Variants in SORCS1 observed in about 807,000 individuals in gnomAD.
The protein encoded by SORCS1 is VPS10 domain-containing receptor SorCS1.
SORCS1 carries 60 observed loss-of-function variants against 146.1 expected under a neutral mutation model. The ratio of observed to expected loss-of-function variants is 0.41; its 90% CI spans 0.33 to 0.51. The LOEUF is 0.51. Among genes scored for constraint, SORCS1 ranks in the 20% least tolerant of loss-of-function variants. SORCS1 has a pLI of 0.21. For synonymous variants in SORCS1, 637 were observed against 584.0 expected (o/e 1.09, Z -1.31); for missense variants, 1,352 against 1,487.6 (o/e 0.91, Z 1.50).
intron 2 of SORCS1, among the ~76,000 whole-genome samples, chr10:106,852,487 G>T (rs1031731440): frequency 6.6e-6 from 1 of 151,920 alleles, no homozygotes; most frequent in East Asian, 1.9e-4. Context: ...AATTAGCTGG[G>T]CATGGTGTTG....
chr10:106,912,310 C>T (rs189202870), intron 2 of SORCS1, among the ~76,000 whole-genome samples: 1 of 124,210 alleles, frequency 8.1e-6, no homozygotes, highest in Admixed American at 9.0e-5. Context: ...TGAAACAAAA[C>T]AAAACGAAGC....
intron 4 of SORCS1, among the ~76,000 whole-genome samples, chr10:106,773,809 C>T (rs1382917485): frequency 2.6e-5 from 4 of 152,014 alleles, no homozygotes; most frequent in South Asian, 4.2e-4. Context: ...ATTAGCCAGG[C>T]GTGGTGGCAC....
intron 16 of SORCS1, 46 bp downstream of exon 16, chr10:106,671,191 G>C (rs575694006): frequency 1.2e-5 from 19 of 1,612,086 alleles, no homozygotes; most frequent in South Asian, 3.3e-5. Flanking sequence ...GGCCCATGTG[G>C]ATTTGATACA....
chr10:106,864,175 T>A (rs874888), intron 2 of SORCS1, among the ~76,000 whole-genome samples: 44,357 of 151,948 alleles, frequency 0.29, 7,675 homozygotes, highest in Non-Finnish European at 0.39. Context: ...AAGTAGTGAG[T>A]AAATACATAT....
intron 2 of SORCS1, among the ~76,000 whole-genome samples, chr10:106,842,562 T>A (rs1949098875): frequency 6.6e-6 from 1 of 151,690 alleles, no homozygotes; most frequent in African/African-American, 2.4e-5. Flanking sequence ...CTGTTCAGGC[T>A]CTTTGTCATT....
At chr10:106,629,170 T>C (rs752729258) in intron 19 of SORCS1, 32 bp downstream of exon 19, 2 of 1,577,886 alleles carry the variant, frequency 1.3e-6, no homozygotes, top group Non-Finnish European at 1.7e-6. Context: ...ATATTTAAGA[T>C]AGGTCATAAA....
chr10:106,685,869 C>T (rs1305280198), intron 10 of SORCS1, among the ~76,000 whole-genome samples: 2 of 152,180 alleles, frequency 1.3e-5, no homozygotes, highest in Non-Finnish European at 2.9e-5. Flanking sequence ...ATAACATTTA[C>T]ACACAATTTT....
chr10:106,679,541 A>G, intron 11 of SORCS1, 91 bp downstream of exon 11: 1 of 1,184,694 alleles, frequency 8.4e-7, no homozygotes, highest in Non-Finnish European at 1.2e-6. Context: ...ACAGATATCT[A>G]GCTTCTTAAA....
chr10:107,117,412 G>A (rs1479390983), intron 1 of SORCS1, among the ~76,000 whole-genome samples: 1 of 152,140 alleles, frequency 6.6e-6, no homozygotes, highest in African/African-American at 2.4e-5. Context: ...TCAAAACAGG[G>A]GATCATTGCT....
At chr10:106,692,308 C>T in intron 9 of SORCS1, among the ~76,000 whole-genome samples, 1 of 152,208 alleles carries the variant, frequency 6.6e-6, no homozygotes, top group Middle Eastern at 3.2e-3. Context: ...CTCAAGCAAG[C>T]CACCTGCCTT....
At chr10:106,780,940 G>C (rs1860842635) in intron 3 of SORCS1, among the ~76,000 whole-genome samples, 1 of 150,654 alleles carries the variant, frequency 6.6e-6, no homozygotes, top group Non-Finnish European at 1.5e-5. Flanking sequence ...AAATGAACAT[G>C]AAATGCAATT....
chr10:107,079,040 G>A (rs113678002), intron 1 of SORCS1, among the ~76,000 whole-genome samples: 12,423 of 152,024 alleles, frequency 0.082, 1,580 homozygotes, highest in African/African-American at 0.28. Flanking sequence ...CCTGGCTAAC[G>A]TGGTGAAACC....
At chr10:106,988,058 G>A (rs574506056) in intron 1 of SORCS1, among the ~76,000 whole-genome samples, 1 of 152,282 alleles carries the variant, frequency 6.6e-6, no homozygotes, top group East Asian at 1.9e-4. Context: ...AAGAATATAG[G>A]AAGCTATCAA....
At position 106,934,449 on chromosome 10, in the gene SORCS1, TG is replaced by T. The variant is rs748315958; in HGVS notation, c.626+22063del. 3.3e-5 allele frequency among the ~76,000 whole-genome samples: 5 copies of T among 151,926 alleles called. No individual in the cohort carries two copies. In the East Asian group the frequency reaches 9.7e-4, roughly 30 times the overall value. On this transcript the variant is annotated intron_variant, in intron 2 of 25. Coordinates refer to ENST00000263054, the MANE Select transcript of SORCS1 (RefSeq NM_052918.5). ...TTTTTTTTTGTATTTTTAGTGGAGA[TG>T]GGATTTCACCGTGTTAGCCAGGACA...
chr10:106,804,480 C>T (rs1209627877), intron 3 of SORCS1, among the ~76,000 whole-genome samples: 1 of 151,630 alleles, frequency 6.6e-6, no homozygotes, highest in African/African-American at 2.4e-5. Context: ...TTAACCACAA[C>T]AAAAATTAAA....
chr10:106,770,888 C>T (rs575287886), intron 4 of SORCS1, among the ~76,000 whole-genome samples: 7 of 152,292 alleles, frequency 4.6e-5, no homozygotes, highest in African/African-American at 1.7e-4. Flanking sequence ...ATAGGAACTG[C>T]GTTCATGCTC....
chr10:106,853,412 C>A (rs11591306), intron 2 of SORCS1, among the ~76,000 whole-genome samples: 15 of 146,158 alleles, frequency 1.0e-4, no homozygotes, highest in African/African-American at 1.0e-4. Flanking sequence ...TTTTTTTTTC[C>A]AAAAAAACAG....
At chr10:106,625,270 T>G (rs1848033116) in intron 19 of SORCS1, among the ~76,000 whole-genome samples, 1 of 151,160 alleles carries the variant, frequency 6.6e-6, no homozygotes. Flanking sequence ...CTGGCCTGCC[T>G]GCAGCATTTA....
chr10:107,149,808 A>G (rs2134802944), intron 1 of SORCS1, among the ~76,000 whole-genome samples: 1 of 152,336 alleles, frequency 6.6e-6, no homozygotes, highest in South Asian at 2.1e-4. Flanking sequence ...GACAATGAAG[A>G]AAGTGTTCAA....
Sources: allele counts gnomAD v4.1 joint callset (sites outside exome capture counted in the v4.1 genomes callset), GRCh38; gene constraint gnomAD v4.1.1; transcripts MANE v1.5; gene names NCBI Gene and HGNC (gene_info 2026-07-23, HGNC 2026-07-21).